The following AATF variants were observed in gnomAD, a reference collection of about 807,000 sequenced individuals.
AATF encodes the protein protein AATF.
A neutral mutation model predicts 63.7 loss-of-function variants in AATF; 48 were observed. The ratio of observed to expected loss-of-function variants is 0.75; its 90% CI spans 0.60 to 0.96. The LOEUF (loss-of-function observed/expected upper bound fraction) is 0.96. AATF is among the 40% of genes least tolerant of loss of function. The pLI is 0.00. For synonymous variants in AATF, 258 were observed against 247.7 expected, an observed-to-expected ratio of 1.04 and a Z score of -0.39; for missense variants, 639 against 685.7, an observed-to-expected ratio of 0.93 and a Z score of 0.76.
chr17:37,041,014 A>G (rs2071634008), intron 11 of AATF, among the ~76,000 whole-genome samples: 1 of 152,222 alleles, frequency 6.6e-6, no homozygotes, highest in South Asian at 2.1e-4. Flanking sequence ...TTCCTGTATA[A>G]TAAAAATAGT....
rs533007202 is a variant in AATF at position 37,053,815 on chromosome 17, G to A, written c.1620-2786G>A. ...CGGGAGGCGGAGGTTGCAGTGAGCC[G>A]AGATTGCGCCACTGCACTCCAGCCT... On this transcript the variant is annotated intron_variant, in intron 11 of 11. Transcript: ENST00000619387. 2.0e-5 allele frequency among the ~76,000 whole-genome samples: 3 copies of A among 152,156 alleles called. No homozygotes were observed. The South Asian group carries it at 6.2e-4, about 32-fold the overall frequency.
rs566180813 is a variant in AATF at position 37,037,154 on chromosome 17, G to A, written c.1619+5469G>A. Among the ~76,000 whole-genome samples, 12 of 151,818 alleles carry A rather than the reference G, an allele frequency of 7.9e-5. No homozygotes were observed. The East Asian group carries it at 9.7e-4, about 12-fold the overall frequency. On this transcript the variant is annotated intron_variant, in intron 11 of 11. Transcript: ENST00000619387. Reference sequence around the variant, plus strand: ...CTCCCGAGTAGCTGGGACTGCAGGCGCCCACCACCCCTCCCCACCCCCTGG... The same window carrying A: ...CTCCCGAGTAGCTGGGACTGCAGGCACCCACCACCCCTCCCCACCCCCTGG...
At chr17:36,987,153 A>ATTT (rs11286976) in intron 5 of AATF, among the ~76,000 whole-genome samples, 3 of 121,374 alleles carry the variant, frequency 2.5e-5, no homozygotes, top group African/African-American at 6.4e-5. Context: ...ATGCCTGGCT[A>ATTT]TTTTTTTTTT....
At chr17:36,961,195 T>G (rs2070944301) in intron 4 of AATF, among the ~76,000 whole-genome samples, 1 of 152,236 alleles carries the variant, frequency 6.6e-6, no homozygotes, top group African/African-American at 2.4e-5. Context: ...ATAGATTTAC[T>G]GCAATTTAGT....
intron 4 of AATF, 105 bp downstream of exon 4, chr17:36,954,012 C>T (rs934257977): frequency 8.6e-7 from 1 of 1,158,606 alleles, no homozygotes; most frequent in Non-Finnish European, 1.2e-6. Flanking sequence ...ATTGTGCTTT[C>T]TTCTCATCTG....
At chr17:36,973,684 G>T (rs891477127) in intron 4 of AATF, among the ~76,000 whole-genome samples, 5 of 152,128 alleles carry the variant, frequency 3.3e-5, no homozygotes, top group African/African-American at 1.2e-4. Flanking sequence ...TCTCCTTTAG[G>T]CAGGTAAGAC....
rs1221040508 is a variant in AATF at position 37,017,232 on chromosome 17, A to G, written c.1399-1773A>G. On this transcript the variant is annotated intron_variant, in intron 8 of 11. Transcript: ENST00000619387. Reference sequence around the variant, plus strand: ...TAGGAAAACCAGGAACGGTTGTTGTAATCTTTTGTATGGCTGGAACGAGGT... The same window carrying G: ...TAGGAAAACCAGGAACGGTTGTTGTGATCTTTTGTATGGCTGGAACGAGGT... Among the ~76,000 whole-genome samples the G allele has an allele frequency of 1.1e-4, 16 of 152,324 alleles. 1 individual carries two copies. The East Asian group carries it at 3.1e-3, about 29-fold the overall frequency.
At chr17:36,959,069 C>T (rs1208694752) in intron 4 of AATF, among the ~76,000 whole-genome samples, 5 of 152,030 alleles carry the variant, frequency 3.3e-5, no homozygotes, top group Admixed American at 3.3e-4. Flanking sequence ...CTCTTAAACT[C>T]GGGAGGTGGA....
intron 8 of AATF, among the ~76,000 whole-genome samples, chr17:37,003,471 C>CTTTTT (rs1163393533): frequency 5.4e-4 from 52 of 96,634 alleles, no homozygotes; most frequent in African/African-American, 2.1e-3. Context: ...TTGACAAGAA[C>CTTTTT]TTTTTTTTTT....
chr17:37,031,207 G>A (rs1324482356), intron 10 of AATF, among the ~76,000 whole-genome samples: 1 of 152,164 alleles, frequency 6.6e-6, no homozygotes, highest in Non-Finnish European at 1.5e-5. Flanking sequence ...GTGAACAAGT[G>A]CAGACTTTTT....
intron 9 of AATF, among the ~76,000 whole-genome samples, chr17:37,020,641 A>G (rs2071462020): frequency 6.6e-6 from 1 of 152,232 alleles, no homozygotes. Flanking sequence ...GCTCTACTAA[A>G]TCTGATGGGT....
chr17:36,950,844 A>G (rs1354693949), intron 2 of AATF, among the ~76,000 whole-genome samples: 1 of 152,150 alleles, frequency 6.6e-6, no homozygotes, highest in African/African-American at 2.4e-5. Context: ...GTTCGGACTA[A>G]TGGCTCACCC....
intron 4 of AATF, among the ~76,000 whole-genome samples, chr17:36,968,008 A>G (rs2411167): frequency 0.26 from 39,902 of 151,246 alleles, 7,315 homozygotes; most frequent in African/African-American, 0.53. Flanking sequence ...AGAAATTCAT[A>G]TCTTTCAGTC....
intron 10 of AATF, among the ~76,000 whole-genome samples, chr17:37,030,367 A>G (rs1417890279): frequency 6.6e-6 from 1 of 152,218 alleles, no homozygotes; most frequent in Non-Finnish European, 1.5e-5. Flanking sequence ...AAACTTTAAA[A>G]TATTATGTAT....
At chr17:37,039,149 T>C (rs2071616684) in intron 11 of AATF, among the ~76,000 whole-genome samples, 1 of 152,210 alleles carries the variant, frequency 6.6e-6, no homozygotes, top group Non-Finnish European at 1.5e-5. Flanking sequence ...TGAATCATGG[T>C]GAGATATTCT....
At chr17:36,978,601 T>G (rs2071096908) in intron 4 of AATF, among the ~76,000 whole-genome samples, 1 of 152,058 alleles carries the variant, frequency 6.6e-6, no homozygotes. Flanking sequence ...GTCCTCACAC[T>G]ATTCCAGTTA....
At chr17:37,000,497 T>C (rs2071286001) in intron 8 of AATF, among the ~76,000 whole-genome samples, 1 of 152,182 alleles carries the variant, frequency 6.6e-6, no homozygotes, top group Non-Finnish European at 1.5e-5. Context: ...ATGTTGGCTT[T>C]ATTTTGGTTA....
intron 8 of AATF, among the ~76,000 whole-genome samples, chr17:36,992,119 A>G (rs1017914189): frequency 6.6e-6 from 1 of 152,182 alleles, no homozygotes; most frequent in East Asian, 1.9e-4. Flanking sequence ...ATGAAGAAGA[A>G]CTTCTTAGGA....
chr17:36,997,070 A>G (rs147533477), intron 8 of AATF, among the ~76,000 whole-genome samples: 105 of 152,340 alleles, frequency 6.9e-4, no homozygotes, highest in African/African-American at 2.4e-3. Flanking sequence ...CCCTTTTTGT[A>G]CTAATATGCC....
Sources: gnomAD v4.1 joint callset for allele counts (sites outside exome capture counted in the v4.1 genomes callset) on GRCh38, gnomAD v4.1.1 for gene constraint, MANE v1.5 for transcripts, NCBI Gene and HGNC (gene_info 2026-07-23, HGNC 2026-07-21) for gene names.